Variants in MKLN1 observed in about 807,000 individuals in gnomAD.
MKLN1 encodes the protein muskelin.
Under a neutral mutation model 99.0 loss-of-function variants are expected in MKLN1, and 18 were observed. That is an observed-to-expected ratio of 0.18 (90% CI 0.13 to 0.27). MKLN1 has a LOEUF of 0.27. Ranked by LOEUF, MKLN1 falls within the 10% of genes least tolerant of loss-of-function variation. The pLI, the probability that MKLN1 is intolerant of heterozygous loss-of-function variation, is 1.00. For synonymous variants in MKLN1, 288 were observed against 293.2 expected, an observed-to-expected ratio of 0.98 and a Z score of 0.18; for missense variants, 621 against 875.9, an observed-to-expected ratio of 0.71 and a Z score of 3.67.
chr7:131,180,083 A>G (rs928834090), intron 2 of MKLN1, among the ~76,000 whole-genome samples: 2 of 152,142 alleles, frequency 1.3e-5, no homozygotes, highest in African/African-American at 2.4e-5. Context: ...CCTTTTTTCC[A>G]TGGAAGGCTT....
At chr7:131,447,355 T>C (rs1235876727) in intron 12 of MKLN1, among the ~76,000 whole-genome samples, 2 of 151,916 alleles carry the variant, frequency 1.3e-5, no homozygotes, top group Non-Finnish European at 2.9e-5. Context: ...GCTATATGAT[T>C]TAATATTTGA....
At chr7:131,119,172 T>G (rs1203280690) in intron 1 of MKLN1, among the ~76,000 whole-genome samples, 1 of 152,192 alleles carries the variant, frequency 6.6e-6, no homozygotes, top group African/African-American at 2.4e-5. Flanking sequence ...ATACTGCCAT[T>G]CCAAAATGGA....
intron 3 of MKLN1, among the ~76,000 whole-genome samples, chr7:131,224,998 G>A (rs1563258404): frequency 2.0e-5 from 3 of 151,978 alleles, no homozygotes; most frequent in Non-Finnish European, 4.4e-5. Context: ...GTGCGAACCC[G>A]GGAGGCGGAG....
At chr7:131,288,653 G>A (rs989100514) in intron 3 of MKLN1, among the ~76,000 whole-genome samples, 3 of 152,256 alleles carry the variant, frequency 2.0e-5, no homozygotes, top group South Asian at 2.1e-4. Flanking sequence ...ACACAGTGCC[G>A]CCCTAGCAAC....
chr7:131,132,935 A>G (rs1162405448), intron 1 of MKLN1, among the ~76,000 whole-genome samples: 2 of 100,076 alleles, frequency 2.0e-5, no homozygotes, highest in African/African-American at 8.5e-5. Flanking sequence ...CAAAAAAAAA[A>G]AAAAAAAAAA....
At chr7:131,349,652 A>C (rs2116757989) in intron 1 of MKLN1, among the ~76,000 whole-genome samples, 1 of 152,308 alleles carries the variant, frequency 6.6e-6, no homozygotes, top group Middle Eastern at 3.4e-3. Flanking sequence ...ATATATTCTG[A>C]AGGGTCATTT....
At chr7:131,318,577 T>G (rs984952251) in intron 3 of MKLN1, among the ~76,000 whole-genome samples, 13 of 152,018 alleles carry the variant, frequency 8.6e-5, no homozygotes, top group Non-Finnish European at 5.9e-5. Flanking sequence ...ATTCAAAAGC[T>G]AGCAGAAGAC....
At chr7:131,452,180 T>C (rs1281214265) in intron 12 of MKLN1, among the ~76,000 whole-genome samples, 5 of 152,202 alleles carry the variant, frequency 3.3e-5, no homozygotes, top group Non-Finnish European at 1.5e-5. Flanking sequence ...TGGTCTCTCT[T>C]TGTCTGGGTC....
chr7:131,376,620 G>A lies in MKLN1; in HGVS notation c.168+1127G>A, dbSNP rs1189986890. 5.5e-5 allele frequency among the ~76,000 whole-genome samples: 8 copies of A among 145,478 alleles called. No individual in the cohort carries two copies. The South Asian group carries it at 1.5e-3, about 27-fold the overall frequency. On this transcript the variant is annotated intron_variant, in intron 2 of 17. Transcript: ENST00000352689. ...TTGCACAACTGCACTCTAGCCTGGTGACAGAGTGAGACTCTGTCTCAAAAA... is the reference window on the plus strand; with the variant it reads ...TTGCACAACTGCACTCTAGCCTGGTAACAGAGTGAGACTCTGTCTCAAAAA...
intron 3 of MKLN1, among the ~76,000 whole-genome samples, chr7:131,217,023 C>A (rs914088298): frequency 6.6e-6 from 1 of 152,076 alleles, no homozygotes; most frequent in Non-Finnish European, 1.5e-5. Context: ...GGAATAAGAA[C>A]CATGATAGTT....
chr7:131,375,533 C>A (rs1435088109), intron 2 of MKLN1, 40 bp downstream of exon 2: 1 of 1,230,344 alleles, frequency 8.1e-7, no homozygotes, highest in Non-Finnish European at 1.2e-6. Context: ...TTAGAAGTCA[C>A]CATTTAAATA....
chr7:131,463,364 G>A lies in MKLN1; in HGVS notation c.1673G>A (p.Trp558Ter). The A allele has an allele frequency of 6.2e-7, 1 of 1,609,488 alleles. No individual in the cohort carries two copies. ...ATTTATGACATTGTGAGGAATAGTT[G>A]GTAAGGAACTCTTGTCTCTGCTGCA... ...FWIYDIVRNS[W>*]SCVYKNDQAA... Residue 558 changes from tryptophan (W) to a stop codon, truncating the protein, a stop_gained and splice_region_variant, in exon 13 of 18, where the codon TGG becomes TAG. Transcript: ENST00000352689. LOFTEE classifies it high-confidence loss of function.
chr7:131,447,190 C>T (rs565257797), intron 12 of MKLN1, among the ~76,000 whole-genome samples: 26 of 152,238 alleles, frequency 1.7e-4, no homozygotes, highest in Non-Finnish European at 3.1e-4. Flanking sequence ...TAAACATCTT[C>T]GTCTATTACA....
At chr7:131,192,190 AATATAATATATACAATATATAAATAT>A (rs1796565448) in intron 2 of MKLN1, among the ~76,000 whole-genome samples, 1 of 102,496 alleles carries the variant, frequency 9.8e-6, no homozygotes, top group Non-Finnish European at 1.8e-5. Context: ...AAATATATAA[AATATAATATATACAATATATAAATAT>A]ATAAAATATA....
At position 131,424,618 on chromosome 7, in the gene MKLN1, C is replaced by T. The variant is rs376735711; in HGVS notation, c.848-4415C>T. ...TGTGTAGATTGGTACTACTGGTAGTCGGTAGCTCCAGGGTTTGTTTTATAC... is the reference window on the plus strand; with the variant it reads ...TGTGTAGATTGGTACTACTGGTAGTTGGTAGCTCCAGGGTTTGTTTTATAC... On this transcript the variant is annotated intron_variant, in intron 8 of 17. Coordinates refer to ENST00000352689, the MANE Select transcript of MKLN1 (RefSeq NM_013255.5). 7.0e-4 allele frequency among the ~76,000 whole-genome samples: 106 copies of T among 150,714 alleles called. 1 individual carries two copies. The highest frequency in any genetic ancestry group is 3.4e-3 in the Middle Eastern group (1 of 290).
chr7:131,191,012 C>A (rs1796532893), intron 2 of MKLN1, among the ~76,000 whole-genome samples: 1 of 152,176 alleles, frequency 6.6e-6, no homozygotes, highest in Non-Finnish European at 1.5e-5. Flanking sequence ...CTCTCTGCTC[C>A]CAGGTGACGC....
intron 12 of MKLN1, among the ~76,000 whole-genome samples, chr7:131,453,489 G>C (rs1333931446): frequency 6.6e-6 from 1 of 152,032 alleles, no homozygotes; most frequent in Non-Finnish European, 1.5e-5. Context: ...AGGAAAATCT[G>C]ACTCCAGCCT....
chr7:131,388,145 T>C (rs889836296), intron 3 of MKLN1, among the ~76,000 whole-genome samples: 1 of 152,026 alleles, frequency 6.6e-6, no homozygotes, highest in African/African-American at 2.4e-5. Flanking sequence ...CCAGCTGGGG[T>C]GAAACAGTGA....
At chr7:131,406,573 G>T (rs1246434565) in intron 6 of MKLN1, among the ~76,000 whole-genome samples, 7 of 151,424 alleles carry the variant, frequency 4.6e-5, no homozygotes, top group Admixed American at 2.6e-4. Flanking sequence ...TATTTACTGG[G>T]TTTTTTTTCT....
Sources: gnomAD v4.1 joint callset for allele counts (sites outside exome capture counted in the v4.1 genomes callset) on GRCh38, gnomAD v4.1.1 for gene constraint, MANE v1.5 for transcripts, NCBI Gene and HGNC (gene_info 2026-07-23, HGNC 2026-07-21) for gene names.